Variants in EIF2B3 observed in about 807,000 individuals in gnomAD.
The protein encoded by EIF2B3 is translation initiation factor eIF2B subunit gamma.
In EIF2B3, 20 loss-of-function variants were observed where a neutral mutation model predicts 54.1. That is an observed-to-expected ratio of 0.37 (90% CI 0.26 to 0.54). The LOEUF (loss-of-function observed/expected upper bound fraction) is 0.54. EIF2B3 is among the 20% of genes least tolerant of loss of function. The pLI is 0.86. For missense variants in EIF2B3, 448 were observed against 547.8 expected, an observed-to-expected ratio of 0.82 and a Z score of 1.82; for synonymous variants, 153 against 188.1, an observed-to-expected ratio of 0.81 and a Z score of 1.52.
At chr1:44,893,159 G>A (rs1655857049) in intron 6 of EIF2B3, among the ~76,000 whole-genome samples, 1 of 152,130 alleles carries the variant, frequency 6.6e-6, no homozygotes, top group Non-Finnish European at 1.5e-5. Flanking sequence ...AACCTCATGG[G>A]CTCAAGTGGT....
intron 10 of EIF2B3, among the ~76,000 whole-genome samples, chr1:44,861,145 G>T (rs1398238331): frequency 6.6e-6 from 1 of 152,184 alleles, no homozygotes; most frequent in Non-Finnish European, 1.5e-5. Context: ...TACACTCAGT[G>T]GGTGGGCTTT....
At chr1:44,937,865 C>G (rs1412512311) in intron 4 of EIF2B3, among the ~76,000 whole-genome samples, 2 of 110,632 alleles carry the variant, frequency 1.8e-5, no homozygotes, top group Admixed American at 2.9e-4. Context: ...GCCTGGGCGA[C>G]AGAGCGAGAC....
At chr1:44,870,173 A>G (rs957067166) in intron 10 of EIF2B3, among the ~76,000 whole-genome samples, 1 of 100,448 alleles carries the variant, frequency 1.0e-5, no homozygotes, top group African/African-American at 5.2e-5. Flanking sequence ...CCCCGTCTCA[A>G]AAAAGAGAGA....
chr1:44,983,683 C>T (rs1644538538), intron 1 of EIF2B3, among the ~76,000 whole-genome samples: 1 of 149,980 alleles, frequency 6.7e-6, no homozygotes, highest in African/African-American at 2.5e-5. Flanking sequence ...AGCAGCCTGG[C>T]CAACTTGGTG....
chr1:44,895,719 C>T (rs996536454), intron 6 of EIF2B3, among the ~76,000 whole-genome samples: 5 of 151,922 alleles, frequency 3.3e-5, no homozygotes, highest in South Asian at 2.1e-4. Flanking sequence ...GGGAGAGAAA[C>T]GGTGGCATAT....
chr1:44,982,127 C>T (rs12749130), intron 1 of EIF2B3, among the ~76,000 whole-genome samples: 33,684 of 151,884 alleles, frequency 0.22, 4,050 homozygotes, highest in Admixed American at 0.32. Flanking sequence ...TAAACACAAA[C>T]GTAGGCTTGT....
intron 1 of EIF2B3, among the ~76,000 whole-genome samples, chr1:44,983,246 T>C (rs1414374114): frequency 6.6e-6 from 1 of 152,246 alleles, no homozygotes; most frequent in Non-Finnish European, 1.5e-5. Context: ...AAGTACTTTC[T>C]CTTACAATGA....
rs1644497658 is a variant in EIF2B3 at position 44,980,112 on chromosome 1, C to T, written c.148+909G>A. Among the ~76,000 whole-genome samples the T allele has an allele frequency of 2.0e-5, 3 of 152,214 alleles. No individual in the cohort carries two copies. In the South Asian group the frequency reaches 6.2e-4, roughly 32 times the overall value. On this transcript the variant is annotated intron_variant, in intron 2 of 11. Transcript: ENST00000360403. ...ATTTATTACATCTAAATATAGGACA[C>T]CTCAAACTCAATGTGACCAAAGCTG...
chr1:44,910,596 A>G (rs1643491466), intron 5 of EIF2B3, among the ~76,000 whole-genome samples: 1 of 150,830 alleles, frequency 6.6e-6, no homozygotes, highest in Non-Finnish European at 1.5e-5. Context: ...GAAATCAAGC[A>G]AACATTTTAT....
chr1:44,954,367 T>C (rs1644200759), intron 3 of EIF2B3, among the ~76,000 whole-genome samples: 1 of 152,238 alleles, frequency 6.6e-6, no homozygotes, highest in South Asian at 2.1e-4. Flanking sequence ...TCCATGAGCA[T>C]GGAATGTTTT....
chr1:44,924,230 G>A (rs772174425), intron 5 of EIF2B3, among the ~76,000 whole-genome samples: 22 of 148,804 alleles, frequency 1.5e-4, no homozygotes, highest in East Asian at 1.4e-3. Context: ...GTGAGCCACC[G>A]CGCCCAGCCA....
chr1:44,884,336 G>C (rs1435694183), intron 6 of EIF2B3, among the ~76,000 whole-genome samples: 1 of 152,104 alleles, frequency 6.6e-6, no homozygotes, highest in Non-Finnish European at 1.5e-5. Flanking sequence ...CTGACTTGCT[G>C]CATACTTCCC....
At chr1:44,985,608 A>T (rs911904556) in intron 1 of EIF2B3, among the ~76,000 whole-genome samples, 13 of 152,216 alleles carry the variant, frequency 8.5e-5, no homozygotes, top group Admixed American at 1.3e-4. Context: ...AAACATGTGC[A>T]TAAGGGCATT....
chr1:44,919,343 C>T (rs1253757734), intron 5 of EIF2B3, among the ~76,000 whole-genome samples: 10 of 146,606 alleles, frequency 6.8e-5, no homozygotes, highest in African/African-American at 2.5e-4. Flanking sequence ...GACTGAGACT[C>T]CCTCTCAAAA....
intron 3 of EIF2B3, among the ~76,000 whole-genome samples, chr1:44,976,672 GATAA>G (rs955796463): frequency 4.6e-5 from 7 of 152,072 alleles, no homozygotes; most frequent in African/African-American, 1.2e-4. Flanking sequence ...TAGGAGGATA[GATAA>G]ATAAATAGTA....
intron 5 of EIF2B3, 58 bp downstream of exon 5, chr1:44,926,570 G>A: frequency 7.5e-7 from 1 of 1,336,170 alleles, no homozygotes; most frequent in Non-Finnish European, 1.1e-6. Context: ...TCCACTGGGT[G>A]GTTTTATTTT....
At chr1:44,888,856 A>G (rs1439567625) in intron 6 of EIF2B3, among the ~76,000 whole-genome samples, 1 of 152,240 alleles carries the variant, frequency 6.6e-6, no homozygotes, top group Admixed American at 6.5e-5. Flanking sequence ...TCCAGGGAAC[A>G]GGAATTCTGG....
At chr1:44,898,835 C>G (rs1244378559) in intron 5 of EIF2B3, among the ~76,000 whole-genome samples, 1 of 152,070 alleles carries the variant, frequency 6.6e-6, no homozygotes, top group African/African-American at 2.4e-5. Flanking sequence ...GCACTGCAGG[C>G]ATGCATCACT....
chr1:44,853,170 A>AG (rs1208987213), intron 11 of EIF2B3, among the ~76,000 whole-genome samples: 1 of 152,160 alleles, frequency 6.6e-6, no homozygotes, highest in Non-Finnish European at 1.5e-5. Context: ...AAAACTTTCA[A>AG]GGAAAAAGAA....
Sources: allele counts gnomAD v4.1 joint callset (sites outside exome capture counted in the v4.1 genomes callset), GRCh38; gene constraint gnomAD v4.1.1; transcripts MANE v1.5; gene names NCBI Gene and HGNC (gene_info 2026-07-23, HGNC 2026-07-21).